Variants in CMAS observed in about 807,000 individuals in gnomAD.
The protein encoded by CMAS is N-acylneuraminate cytidylyltransferase.
A neutral mutation model predicts 53.4 loss-of-function variants in CMAS; 21 were observed. That is an observed-to-expected ratio of 0.39 (90% CI 0.28 to 0.57). CMAS has a LOEUF of 0.57. Ranked by LOEUF, CMAS falls within the 20% of genes least tolerant of loss-of-function variation. The pLI, the probability that CMAS is intolerant of heterozygous loss-of-function variation, is 0.56. For missense variants in CMAS, 384 were observed against 534.9 expected (o/e 0.72, Z 2.78); for synonymous variants, 189 against 195.2 (o/e 0.97, Z 0.27).
rs765385723 is a variant in CMAS, at chr12:22,065,170, C to G, written c.1164C>G (p.Gly388=). The G allele has an allele frequency of 6.2e-7, 1 of 1,613,678 alleles. No individual in the cohort carries two copies. Among genetic ancestry groups the G allele is most frequent in the Non-Finnish European group, 8.5e-7 (1 of 1,179,710 alleles). The change falls in exon 8 of 8, where the codon GGC becomes GGG. Residue 388 remains glycine, a synonymous_variant. Coordinates refer to ENST00000229329, the MANE Select transcript of CMAS (RefSeq NM_018686.6). ...EECLKRVGLS[G]APADACSTAQ... ...GCTTGAAGAGAGTGGGCCTAAGTGG[C>G]GCTCCTGCTGATGCCTGTTCTACTG...
At position 22,046,453 on chromosome 12, in the gene CMAS, G is replaced by A; in HGVS notation, c.150G>A (p.Leu50=). The change falls in exon 1 of 8, where the codon CTG becomes CTA. Residue 50 remains leucine (L), a synonymous_variant. Coordinates refer to ENST00000229329, the MANE Select transcript of CMAS (RefSeq NM_018686.6). ...EKPPHLAALI[L]ARGGSKGIPL... ...CCCCGCACCTGGCAGCCCTAATTCT[G>A]GCCCGGGGAGGCAGCAAAGGCATCC... The A allele has an allele frequency of 6.2e-7, 1 of 1,610,206 alleles. No individual in the cohort carries two copies. The highest frequency in any genetic ancestry group is 8.5e-7 in the Non-Finnish European group (1 of 1,178,692).
In CMAS at chr12:22,060,333, TAAA is replaced by T. The variant is rs58755366; in HGVS notation, c.694-474_694-472del. Among the ~76,000 whole-genome samples the T allele has an allele frequency of 3.1e-3, 166 of 54,136 alleles. 1 individual carries two copies. The highest frequency in any genetic ancestry group is 7.6e-3 in the African/African-American group (123 of 16,192). 35.5% of individuals were successfully genotyped at this position (54,136 alleles called of 152,430 possible). The stretch of plus-strand genomic sequence containing the variant: ...ATTTCTTTTGTGTGAGCTTTCTCCT[TAAA>T]AAAAAAAAAAAAAAAAAAAAAAAAG... On this transcript the variant is annotated intron_variant, in intron 4 of 7. Coordinates refer to ENST00000229329, the MANE Select transcript of CMAS (RefSeq NM_018686.6).
At chr12:22,058,839 T>C in intron 4 of CMAS, 139 bp downstream of exon 4, 1 of 986,794 alleles carries the variant, frequency 1.0e-6, no homozygotes, top group South Asian at 2.0e-5. Context: ...CCAACAACAT[T>C]TGCTATCTGA....
chr12:22,048,181 T>TA (rs1327432675), intron 1 of CMAS, among the ~76,000 whole-genome samples: 1 of 152,232 alleles, frequency 6.6e-6, no homozygotes, highest in Non-Finnish European at 1.5e-5. Flanking sequence ...AGACAGCCCT[T>TA]AGTCTCATAG....
At chr12:22,059,584 T>C (rs921721915) in intron 4 of CMAS, among the ~76,000 whole-genome samples, 3 of 152,166 alleles carry the variant, frequency 2.0e-5, no homozygotes, top group Non-Finnish European at 2.9e-5. Flanking sequence ...AACCTCTCCA[T>C]TGTGTAATAA....
chr12:22,061,697 G>GCTAT (rs1487073769), intron 6 of CMAS, among the ~76,000 whole-genome samples: 3 of 152,064 alleles, frequency 2.0e-5, no homozygotes, highest in African/African-American at 7.2e-5. Context: ...TTAAATGGGA[G>GCTAT]CTATCTAATG....
At chr12:22,057,398 A>T (rs1444360212) in intron 3 of CMAS, among the ~76,000 whole-genome samples, 1 of 152,170 alleles carries the variant, frequency 6.6e-6, no homozygotes, top group African/African-American at 2.4e-5. Context: ...TATCAGGTAT[A>T]CTCATAAACA....
chr12:22,058,472 C>A, intron 3 of CMAS, 95 bp from the exon 4 acceptor site: 1 of 1,050,538 alleles, frequency 9.5e-7, no homozygotes, highest in Non-Finnish European at 1.4e-6. Context: ...AAATGCTCTG[C>A]ATTCTGAGTT....
At chr12:22,062,530 A>ATGAT in intron 7 of CMAS, 96 bp downstream of exon 7, 1 of 1,242,362 alleles carries the variant, frequency 8.0e-7, no homozygotes, top group East Asian at 2.4e-5. Context: ...CCAAATGGGT[A>ATGAT]TGATTGTAGG....
chr12:22,049,260 C>T (rs1217213238), intron 1 of CMAS, among the ~76,000 whole-genome samples: 5 of 152,096 alleles, frequency 3.3e-5, no homozygotes, highest in African/African-American at 1.2e-4. Flanking sequence ...AGCGATGGAG[C>T]CCCCGCTGAA....
At chr12:22,062,532 G>T in intron 7 of CMAS, 98 bp downstream of exon 7, 1 of 1,215,392 alleles carries the variant, frequency 8.2e-7, no homozygotes. Context: ...AAATGGGTAT[G>T]ATTGTAGGGA....
At position 22,065,178 on chromosome 12, in the gene CMAS, C is replaced by T; in HGVS notation, c.1172C>T (p.Ala391Val). 1 of 1,614,014 alleles carries T rather than the reference C, an allele frequency of 6.2e-7. No individual in the cohort carries two copies. Among genetic ancestry groups the T allele is most frequent in the Non-Finnish European group, 8.5e-7 (1 of 1,179,900 alleles). Residue 391 changes from alanine (A) to valine (V), a missense_variant, in exon 8 of 8, where the codon GCT becomes GTT. Physicochemically the swap from Ala to Val is moderately conservative, Grantham distance 64. Around this residue, in one of 3 missense-constraint regions of CMAS, gnomAD observed 134 missense variants for 154.6 expected, o/e 0.87. Transcript: ENST00000229329. ...LKRVGLSGAP[A>V]DACSTAQKAV... is the part of the protein sequence containing the mutation. Reference sequence around the variant, plus strand: ...AGAGTGGGCCTAAGTGGCGCTCCTGCTGATGCCTGTTCTACTGCCCAGAAG... The same window carrying T: ...AGAGTGGGCCTAAGTGGCGCTCCTGTTGATGCCTGTTCTACTGCCCAGAAG...
chr12:22,049,135 G>GA (rs1950224387), intron 1 of CMAS, among the ~76,000 whole-genome samples: 1 of 152,162 alleles, frequency 6.6e-6, no homozygotes, highest in African/African-American at 2.4e-5. Context: ...CTCGAAGCTC[G>GA]AAGTTTCATT....
intron 1 of CMAS, among the ~76,000 whole-genome samples, chr12:22,053,760 T>C (rs2138181044): frequency 6.7e-6 from 1 of 148,284 alleles, no homozygotes; most frequent in Non-Finnish European, 1.5e-5. Context: ...GCGCCTGTAG[T>C]CCCAGCTACT....
In CMAS at chr12:22,063,186, G is replaced by T. The variant is rs182889849; in HGVS notation, c.1114+752G>T. Among the ~76,000 whole-genome samples, 17 of 152,242 alleles carry T rather than the reference G, an allele frequency of 1.1e-4. No homozygotes were observed. In the East Asian group the frequency reaches 3.3e-3, roughly 29 times the overall value. ...CATTTTAAAATTGATAAGTTATTAA[G>T]ATGCATAATAACTATAAATCATGTA... is the stretch of plus-strand genomic sequence containing the variant. On this transcript the variant is annotated intron_variant, in intron 7 of 7. Coordinates refer to ENST00000229329, the MANE Select transcript of CMAS (RefSeq NM_018686.6).
At chr12:22,056,354 A>G (rs746726960) in intron 3 of CMAS, among the ~76,000 whole-genome samples, 5 of 152,142 alleles carry the variant, frequency 3.3e-5, no homozygotes, top group African/African-American at 4.8e-5. Context: ...CATTTGGCTC[A>G]TGTTTAATTG....
intron 4 of CMAS, among the ~76,000 whole-genome samples, chr12:22,060,216 G>A (rs1052491425): frequency 2.7e-5 from 4 of 150,750 alleles, no homozygotes; most frequent in African/African-American, 9.7e-5. Context: ...CCTGGAGGAT[G>A]TAATATTTCT....
chr12:22,051,307 G>A (rs1201930182), intron 1 of CMAS, among the ~76,000 whole-genome samples: 1 of 152,174 alleles, frequency 6.6e-6, no homozygotes, highest in Non-Finnish European at 1.5e-5. Context: ...GTAAACCTCA[G>A]AACAAATTGA....
chr12:22,061,576 A>G lies in CMAS; in HGVS notation c.960+124A>G, dbSNP rs1950308699. The stretch of plus-strand genomic sequence containing the variant: ...TTAAAATATCTGAAATTTGGCCTTC[A>G]TACGCCTAGAAAATTATTATACTAT... On this transcript the variant is annotated intron_variant, in intron 6 of 7. Transcript: ENST00000229329. 3 of 553,222 alleles carry G rather than the reference A, an allele frequency of 5.4e-6. No individual in the cohort carries two copies. The East Asian group carries it at 9.9e-5, about 18-fold the overall frequency. 34.3% of individuals were successfully genotyped at this position (553,222 alleles called of 1,614,324 possible). A position where few individuals can be genotyped will look rare whatever the true frequency, so the allele number is the denominator to read the frequency against.
Sources: gnomAD v4.1 joint callset for allele counts (sites outside exome capture counted in the v4.1 genomes callset) on GRCh38, gnomAD v4.1.1 for gene constraint, gnomAD v4.1.1 regional missense constraint, MANE v1.5 for transcripts, NCBI Gene and HGNC (gene_info 2026-07-23, HGNC 2026-07-21) for gene names.